JMJD1C: variants seen among roughly 807,000 people sequenced by gnomAD.
JMJD1C encodes jumonji domain containing 1C, also known as jumonji domain-containing protein 1C.
Under a neutral mutation model 245.3 loss-of-function variants are expected in JMJD1C, and 31 were observed. That is an observed-to-expected ratio of 0.13 (90% CI 0.09 to 0.17). The LOEUF (loss-of-function observed/expected upper bound fraction) is 0.17, where lower values mean the gene tolerates loss of function less well. Ranked by LOEUF, JMJD1C falls within the 10% of genes least tolerant of loss-of-function variation. The probability of loss-of-function intolerance (pLI) is 1.00; values close to 1 mark genes in which losing one functional copy is unlikely to be tolerated. For synonymous variants in JMJD1C, 1,057 were observed against 1,017.4 expected (o/e 1.04, Z -0.74); for missense variants, 2,691 against 3,000.2 (o/e 0.90, Z 2.41).
At chr10:63,349,576 A>T (rs937471778) in intron 2 of JMJD1C, among the ~76,000 whole-genome samples, 1 of 152,230 alleles carries the variant, frequency 6.6e-6, no homozygotes, top group South Asian at 2.1e-4. Context: ...TAAATGTTGA[A>T]ACTTTTTATA....
intron 2 of JMJD1C, among the ~76,000 whole-genome samples, chr10:63,364,606 C>T (rs547775410): frequency 6.6e-6 from 1 of 152,234 alleles, no homozygotes; most frequent in South Asian, 2.1e-4. Flanking sequence ...CCACCTCAGC[C>T]TTCTAAGGAG....
chr10:63,482,867 A>C (rs1334473008), intron 1 of JMJD1C, among the ~76,000 whole-genome samples: 2 of 152,224 alleles, frequency 1.3e-5, no homozygotes, highest in Non-Finnish European at 2.9e-5. Flanking sequence ...CAAAGGAAGC[A>C]CTCAATTAAC....
chr10:63,276,743 G>A (rs946276908), intron 2 of JMJD1C, among the ~76,000 whole-genome samples: 1 of 152,128 alleles, frequency 6.6e-6, no homozygotes, highest in South Asian at 2.1e-4. Flanking sequence ...TTACAGACTT[G>A]AGCCATGGCA....
At chr10:63,421,119 G>C (rs1017240042) in intron 1 of JMJD1C, among the ~76,000 whole-genome samples, 1 of 152,170 alleles carries the variant, frequency 6.6e-6, no homozygotes, top group Non-Finnish European at 1.5e-5. Flanking sequence ...TGGATCATCT[G>C]AGGTCGGGAG....
chr10:63,364,790 T>G (rs557974990), intron 2 of JMJD1C, among the ~76,000 whole-genome samples: 1 of 152,308 alleles, frequency 6.6e-6, no homozygotes, highest in East Asian at 1.9e-4. Flanking sequence ...GCCGAGCACA[T>G]GTTTTACCAG....
chr10:63,185,917 C>T (rs1399134914), intron 19 of JMJD1C, among the ~76,000 whole-genome samples: 2 of 152,030 alleles, frequency 1.3e-5, no homozygotes, highest in East Asian at 3.9e-4. Context: ...CACAATCTTA[C>T]ATCTACACTT....
At chr10:63,307,747 G>A (rs1230997019) in intron 2 of JMJD1C, among the ~76,000 whole-genome samples, 2 of 152,088 alleles carry the variant, frequency 1.3e-5, no homozygotes, top group African/African-American at 4.8e-5. Flanking sequence ...CTGTACTAGG[G>A]AGATTCACTG....
intron 18 of JMJD1C, 39 bp from the exon 19 acceptor site, chr10:63,186,422 T>A: frequency 6.8e-7 from 1 of 1,469,328 alleles, no homozygotes. Flanking sequence ...AAAAGATATA[T>A]AGACTTTCTT....
At chr10:63,284,541 C>G (rs1857752869) in intron 2 of JMJD1C, among the ~76,000 whole-genome samples, 1 of 152,116 alleles carries the variant, frequency 6.6e-6, no homozygotes, top group Non-Finnish European at 1.5e-5. Context: ...TTAACTTCAT[C>G]CATAGGTTCT....
At chr10:63,281,305 TTC>T (rs1403652916) in intron 2 of JMJD1C, among the ~76,000 whole-genome samples, 1 of 54,938 alleles carries the variant, frequency 1.8e-5, no homozygotes, top group African/African-American at 5.5e-5. Context: ...CGGCTAATTT[TTC>T]TGTTTTTTTT....
At chr10:63,169,076 AC>A (rs1209733140) in intron 24 of JMJD1C, among the ~76,000 whole-genome samples, 11 of 152,158 alleles carry the variant, frequency 7.2e-5, no homozygotes, top group Admixed American at 7.2e-4. Context: ...ACTGACCTCG[AC>A]TGAGTTTCAG....
intron 8 of JMJD1C, among the ~76,000 whole-genome samples, chr10:63,210,469 G>A (rs764836612): frequency 3.3e-5 from 5 of 152,112 alleles, no homozygotes; most frequent in South Asian, 4.1e-4. Flanking sequence ...AATATTTTAT[G>A]TACTTATAAA....
At chr10:63,192,899 ACTC>A (rs769016033) in intron 16 of JMJD1C, 36 bp downstream of exon 16, 3 of 1,379,858 alleles carry the variant, frequency 2.2e-6, no homozygotes, top group Non-Finnish European at 3.1e-6. Context: ...GTTATACTAT[ACTC>A]CTCTCACACA....
At chr10:63,190,833 A>T (rs1844710981) in intron 17 of JMJD1C, 61 bp downstream of exon 17, 1 of 1,349,368 alleles carries the variant, frequency 7.4e-7, no homozygotes, top group Admixed American at 1.7e-5. Context: ...GCCAAAAACT[A>T]AGTCTCCAAA....
intron 13 of JMJD1C, among the ~76,000 whole-genome samples, chr10:63,196,115 T>C (rs1454292216): frequency 6.6e-6 from 1 of 150,916 alleles, no homozygotes; most frequent in Non-Finnish European, 1.5e-5. Context: ...AATACAAAAT[T>C]AGGCATGGTG....
chr10:63,337,748 G>A (rs192721452), intron 2 of JMJD1C, among the ~76,000 whole-genome samples: 1 of 152,202 alleles, frequency 6.6e-6, no homozygotes, highest in Non-Finnish European at 1.5e-5. Flanking sequence ...ACTTGAGGAA[G>A]AGCAAGCTGA....
In JMJD1C at chr10:63,465,781, G is replaced by A. The variant is rs1953218027; in HGVS notation, c.-119C>T. On this transcript the variant is annotated 5_prime_UTR_variant, in exon 1 of 26. Transcript: ENST00000399262. Reference sequence around the variant, plus strand: ...CCGGGACACAGCAGCGGACCCGAAAGAGCGCAGACTCGGGACGAACCGGCC... The same window carrying A: ...CCGGGACACAGCAGCGGACCCGAAAAAGCGCAGACTCGGGACGAACCGGCC... 2 of 1,239,128 alleles carry A rather than the reference G, an allele frequency of 1.6e-6. No homozygotes were observed. Among genetic ancestry groups the A allele is most frequent in the Non-Finnish European group, 2.3e-6 (2 of 870,618 alleles). 76.8% of individuals were successfully genotyped at this position (1,239,128 alleles called of 1,614,324 possible). A position where few individuals can be genotyped will look rare whatever the true frequency, so the allele number is the denominator to read the frequency against.
At chr10:63,200,793 G>A (rs1845921902) in intron 10 of JMJD1C, 116 bp from the exon 11 acceptor site, 1 of 866,022 alleles carries the variant, frequency 1.2e-6, no homozygotes, top group African/African-American at 1.7e-5. Flanking sequence ...CTTTAGTAAA[G>A]AAGCAAAGAC....
intron 2 of JMJD1C, among the ~76,000 whole-genome samples, chr10:63,305,399 T>G (rs1377879935): frequency 4.8e-5 from 7 of 144,832 alleles, no homozygotes; most frequent in African/African-American, 7.7e-5. Context: ...AAGGTTGCAG[T>G]GAGCTCTAAT....
Sources: allele counts gnomAD v4.1 joint callset (sites outside exome capture counted in the v4.1 genomes callset), GRCh38; gene constraint gnomAD v4.1.1; transcripts MANE v1.5; gene names NCBI Gene and HGNC (gene_info 2026-07-23, HGNC 2026-07-21).